NLRP5: variants seen among roughly 807,000 people sequenced by gnomAD.
The protein encoded by NLRP5 is NACHT, LRR and PYD domains-containing protein 5.
NLRP5 carries 93 observed loss-of-function variants against 113.1 expected under a neutral mutation model. The ratio of observed to expected loss-of-function variants is 0.82; its 90% CI spans 0.70 to 0.98. The LOEUF (loss-of-function observed/expected upper bound fraction) is 0.98. Among genes scored for constraint, NLRP5 ranks in the 50% least tolerant of loss-of-function variants. NLRP5 has a pLI of 0.00. For missense variants in NLRP5, 1,808 were observed against 1,514.3 expected (o/e 1.19, Z -3.22); for synonymous variants, 751 against 600.7 (o/e 1.25, Z -3.66).
chr19:55,990,164 C>G, the NLRP5 span, among the ~76,000 whole-genome samples: 3 of 141,544 alleles, frequency 2.1e-5, no homozygotes, highest in Non-Finnish European at 4.5e-5. Context: ...TCTCAGCTCA[C>G]TGCAACCTCT....
intron 6 of NLRP5, 29 bp downstream of exon 6, chr19:56,020,460 G>T (rs756983769): frequency 1.2e-6 from 2 of 1,607,322 alleles, no homozygotes; most frequent in Middle Eastern, 1.7e-4. Context: ...TTCCTTGGTT[G>T]CCCTCCTGGA....
the NLRP5 span, among the ~76,000 whole-genome samples, chr19:55,990,840 T>C: frequency 0.094 from 14,268 of 151,864 alleles, 812 homozygotes; most frequent in African/African-American, 0.15. Flanking sequence ...GAAAAAAAGC[T>C]GGGCATGGTT....
At position 56,028,218 on chromosome 19, in the gene NLRP5, A is replaced by G. The variant is rs1233221262; in HGVS notation, c.1985A>G (p.Lys662Arg). 1.9e-6 allele frequency: 3 copies of G among 1,613,756 alleles called. No individual in the cohort carries two copies. Among genetic ancestry groups the G allele is most frequent in the Non-Finnish European group, 2.5e-6 (3 of 1,179,890 alleles). ...GGCTGTCCCGTTCCCCTGGGGGTGA[A>G]GCAGAAGCTTCTGCACTGGGTCTCT... Residue 662 changes from lysine to arginine, a missense_variant, in exon 7 of 15, where the codon AAG (lysine) becomes AGG (arginine). By Grantham distance (26) the Lys-to-Arg change is conservative (BLOSUM62 2). Transcript: ENST00000390649.
chr19:56,061,212 C>A (rs961831628), intron 14 of NLRP5, among the ~76,000 whole-genome samples, 184 bp from the exon 15 acceptor site: 1 of 152,188 alleles, frequency 6.6e-6, no homozygotes, highest in Non-Finnish European at 1.5e-5. Context: ...CAAGCTGTTT[C>A]TTTTCTTGTC....
intron 9 of NLRP5, 69 bp from the exon 10 acceptor site, chr19:56,037,956 G>C: frequency 2.6e-6 from 4 of 1,531,644 alleles, no homozygotes; most frequent in Non-Finnish European, 1.8e-6. Context: ...GCTGGCGTGT[G>C]CTGAGTAGAG....
At position 56,024,496 on chromosome 19, in the gene NLRP5, CATATGT is replaced by C. The variant is rs775993481; in HGVS notation, c.680-2404_680-2399del. Among the ~76,000 whole-genome samples, 1,325 of 139,132 alleles carry C rather than the reference CATATGT, an allele frequency of 9.5e-3. 12 individuals carry two copies. Among genetic ancestry groups the C allele is most frequent in the Middle Eastern group, 0.015 (4 of 270 alleles). The allele number at this position is 139,132 out of a possible 152,430, so 91.3% of individuals were successfully genotyped here. On this transcript the variant is annotated intron_variant, in intron 6 of 14. Coordinates refer to ENST00000390649, the MANE Select transcript of NLRP5 (RefSeq NM_153447.4). ...GTGTGTATACGTACATGCGTATATA[CATATGT>C]ATATGTATATGTGTATGTATATGTA...
chr19:56,014,641 T>A (rs1395601260), intron 3 of NLRP5, among the ~76,000 whole-genome samples: 1 of 152,202 alleles, frequency 6.6e-6, no homozygotes, highest in African/African-American at 2.4e-5. Flanking sequence ...TTCATCCTTT[T>A]GTGTGTAGAT....
chr19:55,997,734 G>T (rs1246352198), upstream of NLRP5, among the ~76,000 whole-genome samples: 2 of 152,004 alleles, frequency 1.3e-5, no homozygotes, highest in East Asian at 1.9e-4. Flanking sequence ...GTGGTGGCTG[G>T]CACCTGTAAT....
chr19:55,991,017 C>T, the NLRP5 span, among the ~76,000 whole-genome samples: 99 of 152,174 alleles, frequency 6.5e-4, no homozygotes, highest in Non-Finnish European at 1.1e-3. Context: ...AGCTGTTGAT[C>T]ATTATCATGG....
rs200723905 is a variant in NLRP5 at position 56,022,985 on chromosome 19, C to A, written c.679+2554C>A. On this transcript the variant is annotated intron_variant, in intron 6 of 14. Transcript: ENST00000390649. Reference sequence around the variant, plus strand: ...AGGTGATCCGCCTGCCTCGGCCTCCCAAAGTGCTGGGATTACAGGCGTGAG... The same window carrying A: ...AGGTGATCCGCCTGCCTCGGCCTCCAAAAGTGCTGGGATTACAGGCGTGAG... 3.3e-5 allele frequency among the ~76,000 whole-genome samples: 5 copies of A among 152,148 alleles called. No homozygotes were observed. In the East Asian group the frequency reaches 7.7e-4, roughly 23 times the overall value.
the NLRP5 span, chr19:55,988,229 T>TAAA: frequency 0.12 from 18,649 of 150,962 alleles, 1,359 homozygotes; most frequent in East Asian, 0.26. Flanking sequence ...CCGCCTCTAC[T>TAAA]AAAAAAAAAA....
chr19:56,012,611 A>G (rs1982241581), intron 3 of NLRP5, among the ~76,000 whole-genome samples: 1 of 152,034 alleles, frequency 6.6e-6, no homozygotes, highest in African/African-American at 2.4e-5. Context: ...AGAGACAACA[A>G]GATGGAGAAA....
chr19:56,030,711 CTTCTT>C (rs1285095948), intron 7 of NLRP5, among the ~76,000 whole-genome samples: 1 of 47,774 alleles, frequency 2.1e-5, no homozygotes, highest in Non-Finnish European at 3.1e-5. Context: ...TCGCTTTCTT[CTTCTT>C]TTTTTTTTTT....
At chr19:55,990,656 CT>C in the NLRP5 span, among the ~76,000 whole-genome samples, 1 of 152,136 alleles carries the variant, frequency 6.6e-6, no homozygotes, top group African/African-American at 2.4e-5. Flanking sequence ...GAAACCCCGT[CT>C]CTACTAAAAA....
chr19:55,986,958 C>T, the NLRP5 span, among the ~76,000 whole-genome samples: 427 of 152,358 alleles, frequency 2.8e-3, 5 homozygotes, highest in African/African-American at 0.01. Context: ...CAAAGGATTC[C>T]TTGAAAGAAC....
In NLRP5 at chr19:56,038,061, G is replaced by C; in HGVS notation, c.2652G>C (p.Leu884=). ...GTGGATTGACCCATGCCTGTTACCT[G>C]AAGATCTCCCAAATCCTTACGACCT... The change falls in exon 10 of 15, where the codon CTG becomes CTC. Residue 884 remains leucine (L), a synonymous_variant. Transcript: ENST00000390649. The C allele has an allele frequency of 2.5e-6, 4 of 1,613,970 alleles. No homozygotes were observed. The highest frequency in any genetic ancestry group is 3.4e-6 in the Non-Finnish European group (4 of 1,179,890).
the NLRP5 span, among the ~76,000 whole-genome samples, chr19:55,989,989 TA>T: frequency 2.0e-5 from 3 of 152,052 alleles, no homozygotes; most frequent in Middle Eastern, 3.4e-3. Context: ...ATGTCAAACG[TA>T]GTACATCATT....
rs555548379 is a variant in NLRP5 at position 56,055,772 on chromosome 19, C to T, written c.3299+1964C>T. ...GTGTTAGCCAGGATGGTCTCAATCT[C>T]CTGACCTCATGATCTGCCCGCCTTG... is the stretch of plus-strand genomic sequence containing the variant. On this transcript the variant is annotated intron_variant, in intron 13 of 14. Coordinates refer to ENST00000390649, the MANE Select transcript of NLRP5 (RefSeq NM_153447.4). Among the ~76,000 whole-genome samples the T allele has an allele frequency of 1.4e-3, 208 of 151,646 alleles. 1 individual carries two copies. The highest frequency in any genetic ancestry group is 3.4e-3 in the Middle Eastern group (1 of 290).
chr19:55,990,070 TTC>T, the NLRP5 span, among the ~76,000 whole-genome samples: 3 of 101,260 alleles, frequency 3.0e-5, no homozygotes, highest in African/African-American at 1.2e-4. Context: ...TTTCTTTTTT[TTC>T]TTTTTTCTTT....
Sources: gnomAD v4.1 joint callset for allele counts (sites outside exome capture counted in the v4.1 genomes callset) on GRCh38, gnomAD v4.1.1 for gene constraint, MANE v1.5 for transcripts, NCBI Gene and HGNC (gene_info 2026-07-23, HGNC 2026-07-21) for gene names.